The following LAPTM4B variants were observed in gnomAD, a reference collection of about 807,000 sequenced individuals.
LAPTM4B encodes lysosomal-associated transmembrane protein 4B.
A neutral mutation model predicts 28.5 loss-of-function variants in LAPTM4B; 26 were observed. The ratio of observed to expected loss-of-function variants is 0.91; its 90% CI spans 0.67 to 1.27. The LOEUF is 1.27. Ranked by LOEUF, LAPTM4B falls within the 50% of genes most tolerant of loss-of-function variation. The pLI, the probability that LAPTM4B is intolerant of heterozygous loss-of-function variation, is 0.00. For synonymous variants in LAPTM4B, 109 were observed against 106.4 expected (o/e 1.02, Z -0.15); for missense variants, 288 against 285.8 (o/e 1.01, Z -0.06).
chr8:97,844,983 C>T (rs58871779), intron 6 of LAPTM4B, among the ~76,000 whole-genome samples: 25,817 of 152,112 alleles, frequency 0.17, 2,305 homozygotes, highest in East Asian at 0.23. Flanking sequence ...TTAATCGTCC[C>T]GTCACTCCCT....
chr8:97,798,964 C>G (rs1816632192), intron 1 of LAPTM4B, among the ~76,000 whole-genome samples: 1 of 152,224 alleles, frequency 6.6e-6, no homozygotes, highest in African/African-American at 2.4e-5. Context: ...TTTTCCATTT[C>G]TGATAATGAC....
intron 1 of LAPTM4B, among the ~76,000 whole-genome samples, chr8:97,779,498 AAG>A (rs1447711906): frequency 6.6e-6 from 1 of 151,846 alleles, no homozygotes; most frequent in Non-Finnish European, 1.5e-5. Context: ...AAGAAAAAAA[AAG>A]AGAAAGAGGC....
chr8:97,830,335 C>T (rs946090811), intron 6 of LAPTM4B, among the ~76,000 whole-genome samples: 2 of 152,122 alleles, frequency 1.3e-5, no homozygotes, highest in African/African-American at 4.8e-5. Flanking sequence ...CCTTGCCACA[C>T]AAGGTCACCT....
chr8:97,776,134 A>C (rs1429256720), intron 1 of LAPTM4B, 26 bp downstream of exon 1: 3 of 1,484,718 alleles, frequency 2.0e-6, no homozygotes, highest in Non-Finnish European at 2.7e-6. Context: ...CCGGCCCGGG[A>C]CCCTGCGTTG....
intron 2 of LAPTM4B, among the ~76,000 whole-genome samples, chr8:97,807,980 A>T (rs541598733): frequency 2.0e-5 from 3 of 151,592 alleles, no homozygotes; most frequent in Non-Finnish European, 4.4e-5. Context: ...GTGCCATCAC[A>T]TGGCTAATTT....
At chr8:97,799,983 C>A (rs570961776) in intron 1 of LAPTM4B, among the ~76,000 whole-genome samples, 3 of 152,132 alleles carry the variant, frequency 2.0e-5, no homozygotes, top group Non-Finnish European at 4.4e-5. Context: ...CAAATGCTCC[C>A]ATCTCTGTTG....
intron 1 of LAPTM4B, among the ~76,000 whole-genome samples, chr8:97,781,278 C>CTTT (rs71271147): frequency 0.089 from 4,500 of 50,688 alleles, 439 homozygotes; most frequent in African/African-American, 0.17. Flanking sequence ...TGTGCCCGGC[C>CTTT]TTTTTTTTTT....
chr8:97,800,757 A>G (rs532667978), intron 1 of LAPTM4B, among the ~76,000 whole-genome samples: 24 of 151,892 alleles, frequency 1.6e-4, no homozygotes, highest in Non-Finnish European at 3.2e-4. Flanking sequence ...TGGCCTCCCA[A>G]AGTGCTAGGA....
At chr8:97,814,716 T>A (rs1816878233) in intron 2 of LAPTM4B, among the ~76,000 whole-genome samples, 1 of 152,064 alleles carries the variant, frequency 6.6e-6, no homozygotes, top group Admixed American at 6.6e-5. Flanking sequence ...TTTTTTGAGA[T>A]GGAGTCTCGC....
chr8:97,844,554 T>G (rs1041887592), intron 6 of LAPTM4B, among the ~76,000 whole-genome samples: 24 of 152,194 alleles, frequency 1.6e-4, no homozygotes, highest in African/African-American at 5.1e-4. Flanking sequence ...ACTTCTAGAT[T>G]ACGTCTCATT....
chr8:97,777,149 T>G (rs977579030), intron 1 of LAPTM4B, among the ~76,000 whole-genome samples: 1 of 135,200 alleles, frequency 7.4e-6, no homozygotes, highest in African/African-American at 2.8e-5. Context: ...TTTTTTTTTT[T>G]TTTTTTTTTT....
At chr8:97,811,738 G>A (rs1816831228) in intron 2 of LAPTM4B, among the ~76,000 whole-genome samples, 1 of 152,120 alleles carries the variant, frequency 6.6e-6, no homozygotes, top group Non-Finnish European at 1.5e-5. Context: ...ACAGCCTTGA[G>A]GAAATAGAAC....
At position 97,816,103 on chromosome 8, in the gene LAPTM4B, G is replaced by A. The variant is rs146636523; in HGVS notation, c.331G>A (p.Asp111Asn). ...CCCATTCTTCTGTTACCAGATCTTT[G>A]ACTTTGCCCTGAACATGTTGGTTGC... ...IIPFFCYQIFDFALNMLVAIT... is the reference protein window; with the variant it reads ...IIPFFCYQIFNFALNMLVAIT... Residue 111 changes from aspartate to asparagine, a missense_variant, in exon 4 of 7, where the codon GAC (aspartate) becomes AAC (asparagine). Physicochemically the swap from Asp to Asn is conservative, Grantham distance 23. Coordinates refer to ENST00000521545, the MANE Select transcript of LAPTM4B (RefSeq NM_018407.6). 2.0e-5 allele frequency: 32 copies of A among 1,613,468 alleles called. No homozygotes were observed. Among genetic ancestry groups the A allele is most frequent in the Non-Finnish European group, 2.6e-5 (31 of 1,179,832 alleles).
chr8:97,785,570 A>G (rs1389988167), intron 1 of LAPTM4B, among the ~76,000 whole-genome samples: 2 of 152,228 alleles, frequency 1.3e-5, no homozygotes, highest in Admixed American at 1.3e-4. Context: ...GCAACCCCAG[A>G]ATATAGACTG....
intron 1 of LAPTM4B, among the ~76,000 whole-genome samples, chr8:97,802,815 G>A (rs1419056721): frequency 6.6e-6 from 1 of 151,998 alleles, no homozygotes; most frequent in Non-Finnish European, 1.5e-5. Context: ...ATATGTATAT[G>A]TATACTCTGG....
At chr8:97,806,874 TTGAACCC>T (rs1816762028) in intron 2 of LAPTM4B, among the ~76,000 whole-genome samples, 1 of 152,152 alleles carries the variant, frequency 6.6e-6, no homozygotes, top group Non-Finnish European at 1.5e-5. Context: ...GGAGAATTGC[TTGAACCC>T]CAGGTGGCGG....
chr8:97,794,969 C>T (rs1187766971), intron 1 of LAPTM4B, among the ~76,000 whole-genome samples: 1 of 152,238 alleles, frequency 6.6e-6, no homozygotes, highest in Admixed American at 6.5e-5. Flanking sequence ...GCCTCAGCCT[C>T]CCAAAGTGCT....
intron 2 of LAPTM4B, among the ~76,000 whole-genome samples, chr8:97,812,525 G>A (rs1051423628): frequency 5.5e-4 from 83 of 152,106 alleles, no homozygotes; most frequent in African/African-American, 1.9e-3. Context: ...TATTTTCAAG[G>A]AGACTTTTTG....
intron 5 of LAPTM4B, 21 bp from the exon 6 acceptor site, chr8:97,825,037 A>G (rs780433847): frequency 1.4e-6 from 2 of 1,412,256 alleles, no homozygotes; most frequent in Non-Finnish European, 2.0e-6. Context: ...TAAAAATCTG[A>G]TAATCACTCC....
Sources: allele counts gnomAD v4.1 joint callset (sites outside exome capture counted in the v4.1 genomes callset), GRCh38; gene constraint gnomAD v4.1.1; transcripts MANE v1.5; gene names NCBI Gene and HGNC (gene_info 2026-07-23, HGNC 2026-07-21).